The following TASL variants were observed in gnomAD, a reference collection of about 807,000 sequenced individuals.
TASL encodes the protein TLR adapter interacting with SLC15A4 on the lysosome.
In TASL, 6 loss-of-function variants were observed where a neutral mutation model predicts 12.9. The ratio of observed to expected loss-of-function variants is 0.46; its 90% CI spans 0.25 to 0.92. TASL has a LOEUF of 0.92. Among genes scored for constraint, TASL ranks in the 40% least tolerant of loss-of-function variants. The pLI is 0.17. For missense variants in TASL, 165 were observed against 212.8 expected (o/e 0.78, Z 1.40); for synonymous variants, 85 against 79.3 (o/e 1.07, Z -0.38).
Position 30,559,519 on chromosome X carries a change from C to T in TASL, c.837G>A (p.Met279Ile). Residue 279 changes from methionine (M) to isoleucine (I), a missense_variant, in exon 3 of 3, where the codon ATG (methionine) becomes ATA (isoleucine). Transcript: ENST00000378962. The part of the protein sequence containing the change: ...DIVFSRLLQL[M>I]STEITEISTP... ...TGCTAATTTCAGTAATTTCAGTTGA[C>T]ATCAATTGCAATAGGCGGCTAAAGA... 1.7e-6 allele frequency: 2 copies of T among 1,206,037 alleles called. No individual in the cohort carries two copies. Among genetic ancestry groups the T allele is most frequent in the Admixed American group, 2.2e-5 (1 of 45,719 alleles).
At chrX:30,560,669 G>A (rs1180183981) in intron 2 of TASL, among the ~76,000 whole-genome samples, 1 of 107,909 alleles carries the variant, frequency 9.3e-6, no homozygotes, top group South Asian at 4.2e-4. Flanking sequence ...GGGGTGGGGG[G>A]GTCCCTAACT....
At chrX:30,563,772 C>A (rs931073658) in intron 2 of TASL, among the ~76,000 whole-genome samples, 25 of 111,948 alleles carry the variant, frequency 2.2e-4, no homozygotes, top group Non-Finnish European at 3.8e-5. Flanking sequence ...TCCCCTTACT[C>A]AGCTCCAAGA....
chrX:30,574,116 A>G (rs1601839433), intron 2 of TASL, among the ~76,000 whole-genome samples: 1 of 109,474 alleles, frequency 9.1e-6, no homozygotes, highest in East Asian at 2.9e-4. Context: ...ATCCCTTCCC[A>G]GTTCACCTGA....
chrX:30,576,432 A>G (rs766840601), intron 2 of TASL, among the ~76,000 whole-genome samples: 77 of 111,642 alleles, frequency 6.9e-4, no homozygotes, highest in Non-Finnish European at 1.3e-3. Context: ...ACAGAGAAAG[A>G]CAAAGCGAGA....
intron 2 of TASL, among the ~76,000 whole-genome samples, chrX:30,571,246 GAGAAAGAAAGAGAAAGAAAGAA>G (rs1930592990): frequency 2.1e-5 from 1 of 47,075 alleles, no homozygotes; most frequent in Non-Finnish European, 3.5e-5. Context: ...GAAGGAAAAA[GAGAAAGAAAGAGAAAGAAAGAA>G]AGAAAGAAAG....
chrX:30,574,408 T>C (rs1405092230), intron 2 of TASL, among the ~76,000 whole-genome samples: 2 of 111,434 alleles, frequency 1.8e-5, no homozygotes, highest in Non-Finnish European at 3.8e-5. Flanking sequence ...GAAGGAAAAA[T>C]TGACACGAGC....
chrX:30,566,921 T>G (rs1263955427), intron 2 of TASL, among the ~76,000 whole-genome samples: 1 of 112,143 alleles, frequency 8.9e-6, no homozygotes, highest in East Asian at 2.8e-4. Flanking sequence ...ATAGCCACAC[T>G]TGGCTAGTAG....
At chrX:30,574,799 G>A (rs1357987921) in intron 2 of TASL, among the ~76,000 whole-genome samples, 1 of 111,590 alleles carries the variant, frequency 9.0e-6, no homozygotes, top group East Asian at 2.8e-4. Context: ...TCTCTTGAGG[G>A]GCACTGAGAT....
intron 2 of TASL, among the ~76,000 whole-genome samples, chrX:30,571,040 C>T (rs761149242): frequency 9.3e-5 from 10 of 108,078 alleles, no homozygotes; most frequent in Non-Finnish European, 1.5e-4. Context: ...ATTAGTCTGG[C>T]GTGGTGGCAC....
chrX:30,571,810 G>C (rs1460415970), intron 2 of TASL, among the ~76,000 whole-genome samples: 3 of 110,411 alleles, frequency 2.7e-5, no homozygotes, highest in African/African-American at 9.9e-5. Context: ...ATTCTAATAA[G>C]ATATCACTGG....
At chrX:30,572,530 A>G (rs928464083) in intron 2 of TASL, among the ~76,000 whole-genome samples, 3 of 112,075 alleles carry the variant, frequency 2.7e-5, no homozygotes, top group Non-Finnish European at 3.8e-5. Flanking sequence ...TAGATCATCA[A>G]CTGTAGTCAC....
Position 30,559,829 on chromosome X carries a change from A to G in TASL, c.527T>C (p.Phe176Ser). 8.3e-7 allele frequency: 1 copy of G among 1,210,646 alleles called. No homozygotes were observed. The highest frequency in any genetic ancestry group is 1.1e-6 in the Non-Finnish European group (1 of 895,055). ...GTACCGCTGGATAGGTTTTTGGGGA[A>G]AGTCACTGGGCTGAGTAGAAATGGA... is the stretch of plus-strand genomic sequence containing the variant. Reference protein sequence around the residue: ...EDSISTQPSDFPQKPIQRYSS... With the variant: ...EDSISTQPSDSPQKPIQRYSS... Residue 176 changes from phenylalanine to serine, a missense_variant, in exon 3 of 3, where the codon TTT becomes TCT. Transcript: ENST00000378962.
intron 2 of TASL, among the ~76,000 whole-genome samples, chrX:30,575,588 T>A (rs1029438210): frequency 5.3e-5 from 6 of 112,290 alleles, no homozygotes; most frequent in African/African-American, 1.9e-4. Flanking sequence ...GGATTATCTA[T>A]TCTTGTATCA....
chrX:30,568,464 A>G (rs905046661), intron 2 of TASL, among the ~76,000 whole-genome samples: 3 of 111,103 alleles, frequency 2.7e-5, no homozygotes, highest in African/African-American at 9.8e-5. Context: ...ATAAAAGTGA[A>G]GAGGTTTGTG....
intron 2 of TASL, among the ~76,000 whole-genome samples, chrX:30,568,945 T>C (rs1276466595): frequency 1.0e-5 from 1 of 96,619 alleles, no homozygotes; most frequent in Non-Finnish European, 2.0e-5. Flanking sequence ...TGCATCCTAG[T>C]GTCTAGGGAT....
intron 2 of TASL, among the ~76,000 whole-genome samples, chrX:30,575,096 G>A (rs924727768): frequency 1.6e-4 from 18 of 111,078 alleles, no homozygotes; most frequent in Non-Finnish European, 2.3e-4. Context: ...ATTTTTTAAT[G>A]CCTGCAAAAC....
At chrX:30,564,547 T>C (rs1424701610) in intron 2 of TASL, among the ~76,000 whole-genome samples, 1 of 111,903 alleles carries the variant, frequency 8.9e-6, no homozygotes, top group Non-Finnish European at 1.9e-5. Context: ...ATCTTCAGAC[T>C]TCTCAACAGC....
rs1930612304 is a variant in TASL at position 30,571,286 on chromosome X, G to GAAAGAAAGAAAGAAAGAA, written c.-2+5448_-2+5465dup. 1.2e-4 allele frequency among the ~76,000 whole-genome samples: 8 copies of GAAAGAAAGAAAGAAAGAA among 64,892 alleles called. 1 individual carries two copies. The highest frequency in any genetic ancestry group is 5.0e-4 in the Admixed American group (3 of 6,052). 56.4% of individuals were successfully genotyped at this position (64,892 alleles called of 115,157 possible). A position where few individuals can be genotyped will look rare whatever the true frequency, so the allele number is the denominator to read the frequency against. On this transcript the variant is annotated intron_variant, in intron 2 of 2. Transcript: ENST00000378962. ...AGAAAGAAAGAAAGAAAGAAAGAAA[G>GAAAGAAAGAAAGAAAGAA]AAAGAAAGAAAGAAAGAAAGAAAGA...
Position 30,559,513 on chromosome X carries a change from A to T in TASL, c.843T>A (p.Thr281=). 8.3e-7 allele frequency: 1 copy of T among 1,206,415 alleles called. No homozygotes were observed. Among genetic ancestry groups the T allele is most frequent in the Non-Finnish European group, 1.1e-6 (1 of 891,809 alleles). Residue 281 remains threonine, a synonymous_variant, in exon 3 of 3, where the codon ACT becomes ACA. Coordinates refer to ENST00000378962, the MANE Select transcript of TASL (RefSeq NM_025159.3). Reference sequence around the variant, plus strand: ...TAGGAGTGCTAATTTCAGTAATTTCAGTTGACATCAATTGCAATAGGCGGC... The same window carrying T: ...TAGGAGTGCTAATTTCAGTAATTTCTGTTGACATCAATTGCAATAGGCGGC... The part of the protein sequence containing the change: ...VFSRLLQLMS[T]EITEISTPSL...
Sources: allele counts gnomAD v4.1 joint callset (sites outside exome capture counted in the v4.1 genomes callset), GRCh38; gene constraint gnomAD v4.1.1; transcripts MANE v1.5; gene names NCBI Gene and HGNC (gene_info 2026-07-23, HGNC 2026-07-21).